ACACA: variants seen among roughly 807,000 people sequenced by gnomAD.
ACACA encodes the protein acetyl-CoA carboxylase alpha.
In ACACA, 103 loss-of-function variants were observed where a neutral mutation model predicts 296.1. The ratio of observed to expected loss-of-function variants is 0.35; its 90% confidence interval spans 0.30 to 0.41. The LOEUF (loss-of-function observed/expected upper bound fraction) is 0.41. ACACA is among the 10% of genes least tolerant of loss of function. The pLI is 1.00. For missense variants in ACACA, 1,554 were observed against 2,989.7 expected (o/e 0.52, Z 11.20); for synonymous variants, 953 against 1,038.6 (o/e 0.92, Z 1.58).
chr17:37,153,348 C>T (rs1455317936), intron 43 of ACACA, among the ~76,000 whole-genome samples: 1 of 152,184 alleles, frequency 6.6e-6, no homozygotes, highest in East Asian at 1.9e-4. Context: ...CCCAGAAGCA[C>T]TACAAGATAT....
At chr17:37,343,410 A>G (rs1308915848) in intron 1 of ACACA, among the ~76,000 whole-genome samples, 1 of 152,218 alleles carries the variant, frequency 6.6e-6, no homozygotes, top group Non-Finnish European at 1.5e-5. Context: ...ATAGCCACTG[A>G]TAAAAGTATC....
intron 1 of ACACA, chr17:37,365,869 AT>A: frequency 3.0e-6 from 1 of 333,018 alleles, no homozygotes; most frequent in Non-Finnish European, 4.3e-6. Flanking sequence ...CTCCTTCCTT[AT>A]CCAATGGCAA....
At chr17:37,366,074 G>A (rs544053112) in intron 1 of ACACA, among the ~76,000 whole-genome samples, 25 of 152,150 alleles carry the variant, frequency 1.6e-4, no homozygotes, top group Non-Finnish European at 2.6e-4. Flanking sequence ...TTGCCCAGTC[G>A]TAGGATTCTG....
chr17:37,241,002 AG>A (rs2080369216), intron 23 of ACACA, among the ~76,000 whole-genome samples: 2 of 152,164 alleles, frequency 1.3e-5, no homozygotes, highest in East Asian at 1.9e-4. Context: ...AGACCAGCCT[AG>A]GCAATATGGC....
chr17:37,277,863 T>C, intron 6 of ACACA, 33 bp downstream of exon 6: 2 of 1,526,096 alleles, frequency 1.3e-6, no homozygotes, highest in Non-Finnish European at 1.8e-6. Flanking sequence ...AATGGCTGAA[T>C]TTGGTTTTAA....
chr17:37,282,742 C>T (rs1016421669), intron 5 of ACACA, among the ~76,000 whole-genome samples: 6 of 152,088 alleles, frequency 3.9e-5, no homozygotes, highest in African/African-American at 9.7e-5. Flanking sequence ...TATCTTTCAG[C>T]TATACCAACA....
chr17:37,349,316 C>G (rs896076959), intron 1 of ACACA, among the ~76,000 whole-genome samples: 1 of 150,036 alleles, frequency 6.7e-6, no homozygotes. Context: ...CTGCCTCAGC[C>G]TCCCAGAGCA....
chr17:37,378,998 G>A, intron 1 of ACACA: 1 of 1,035,944 alleles, frequency 9.7e-7, no homozygotes, highest in Non-Finnish European at 1.4e-6. Context: ...GGAGATCGAG[G>A]GAGTTTGAGG....
chr17:37,333,327 C>T (rs549007729), intron 2 of ACACA, among the ~76,000 whole-genome samples: 2 of 151,468 alleles, frequency 1.3e-5, no homozygotes, highest in East Asian at 4.0e-4. Flanking sequence ...GGCAGTCTTA[C>T]ACTGCCGGTG....
rs190177908 is a variant in ACACA at position 37,357,899 on chromosome 17, G to C, written c.39-18049C>G. On this transcript the variant is annotated intron_variant, in intron 1 of 55. Transcript: ENST00000616317. ...AGTGAGAAAAGACCATGTAACCAAA[G>C]AAAGCATGCTTCTCAATCTATACTA... Among the ~76,000 whole-genome samples, 228 of 152,196 alleles carry C rather than the reference G, an allele frequency of 1.5e-3. 1 individual carries two copies. Among genetic ancestry groups the C allele is most frequent in the African/African-American group, 5.3e-3 (220 of 41,522 alleles).
intron 1 of ACACA, chr17:37,386,209 C>A (rs1188227720): frequency 2.4e-6 from 2 of 828,670 alleles, no homozygotes; most frequent in Admixed American, 2.7e-5. Flanking sequence ...TTAGCCCCAG[C>A]GTTAGTCTGG....
chr17:37,150,704 G>T (rs925894087), intron 44 of ACACA, among the ~76,000 whole-genome samples: 65 of 152,158 alleles, frequency 4.3e-4, no homozygotes, highest in Non-Finnish European at 1.8e-4. Flanking sequence ...AGTGAGCTAT[G>T]ATTGCACCAC....
intron 2 of ACACA, among the ~76,000 whole-genome samples, chr17:37,333,625 A>C (rs1167502824): frequency 1.3e-5 from 2 of 151,838 alleles, no homozygotes; most frequent in Non-Finnish European, 2.9e-5. Context: ...CCCTTCACCA[A>C]ACCCTTCACT....
At chr17:37,314,103 TC>T (rs562951671) in intron 3 of ACACA, among the ~76,000 whole-genome samples, 2 of 128,124 alleles carry the variant, frequency 1.6e-5, no homozygotes, top group Non-Finnish European at 3.1e-5. Context: ...TACTATATAT[TC>T]TTTTTTTTTT....
At chr17:37,180,886 T>C (rs538722953) in intron 40 of ACACA, among the ~76,000 whole-genome samples, 1 of 152,322 alleles carries the variant, frequency 6.6e-6, no homozygotes, top group South Asian at 2.1e-4. Flanking sequence ...GAATATAGAC[T>C]TGGGAAATAC....
Position 37,130,078 on chromosome 17 carries a change from G to A in ACACA, c.5820C>T (p.Pro1940=), listed in dbSNP as rs2075017760. Residue 1940 remains proline, a synonymous_variant, in exon 46 of 56, where the codon CCC becomes CCT. Coordinates refer to ENST00000616317, the MANE Select transcript of ACACA (RefSeq NM_198834.3). ...GTGCTGGGTAGGAAGGGCTCACCTT[G>A]GGCATGTAAGACAGCCAGTGCAGGA... ...FTVLHWLSYM[P]KSVHSSVPLL... is the part of the protein sequence containing the mutation. 1.2e-6 allele frequency: 2 copies of A among 1,614,052 alleles called. No homozygotes were observed. The highest frequency in any genetic ancestry group is 1.7e-6 in the Non-Finnish European group (2 of 1,179,970).
At chr17:37,162,157 G>T in intron 41 of ACACA, 107 bp from the exon 42 acceptor site, 1 of 1,235,380 alleles carries the variant, frequency 8.1e-7, no homozygotes, top group Non-Finnish European at 1.2e-6. Context: ...ATTATGTAAA[G>T]ATACACATTG....
chr17:37,216,839 AAAAAAC>A (rs956655725), intron 29 of ACACA, among the ~76,000 whole-genome samples: 2 of 152,092 alleles, frequency 1.3e-5, no homozygotes, highest in African/African-American at 2.4e-5. Context: ...TGAATAAAAA[AAAAAAC>A]AAAAACAAAA....
rs61254387 is a variant in ACACA, at chr17:37,165,675, A to ATT, written c.5080-3627_5080-3626dup. The stretch of plus-strand genomic sequence containing the variant: ...TCCTACTAAGACCTCTGTGTAGAGA[A>ATT]TTTTTTTTTTTTTTTTTGAGACAGA... On this transcript the variant is annotated intron_variant, in intron 41 of 55. Transcript: ENST00000616317. Among the ~76,000 whole-genome samples, 649 of 139,702 alleles carry ATT rather than the reference A, an allele frequency of 4.6e-3. 5 individuals carry two copies. The highest frequency in any genetic ancestry group is 0.012 in the African/African-American group (468 of 37,558). 91.6% of individuals were successfully genotyped at this position (139,702 alleles called of 152,430 possible).
Sources: gnomAD v4.1 joint callset for allele counts (sites outside exome capture counted in the v4.1 genomes callset) on GRCh38, gnomAD v4.1.1 for gene constraint, MANE v1.5 for transcripts, NCBI Gene and HGNC (gene_info 2026-07-23, HGNC 2026-07-21) for gene names.